Variants in NKAIN2 observed in about 807,000 individuals in gnomAD.
The protein encoded by NKAIN2 is sodium/potassium transporting ATPase interacting 2, also known as sodium/potassium-transporting ATPase subunit beta-1-interacting protein 2.
Under a neutral mutation model 32.6 loss-of-function variants are expected in NKAIN2, and 14 were observed. The ratio of observed to expected loss-of-function variants is 0.43; its 90% CI spans 0.28 to 0.67. The LOEUF (loss-of-function observed/expected upper bound fraction) is 0.67, where lower values mean the gene tolerates loss of function less well. Ranked by LOEUF, NKAIN2 falls within the 30% of genes least tolerant of loss-of-function variation. The pLI is 0.17. For missense variants in NKAIN2, 198 were observed against 258.3 expected, an observed-to-expected ratio of 0.77 and a Z score of 1.60; for synonymous variants, 80 against 87.2, an observed-to-expected ratio of 0.92 and a Z score of 0.46.
intron 1 of NKAIN2, among the ~76,000 whole-genome samples, chr6:123,930,666 G>C (rs1426818845): frequency 6.6e-6 from 1 of 152,160 alleles, no homozygotes; most frequent in Admixed American, 6.5e-5. Context: ...TAGTAGAGGA[G>C]AGAGGAATCT....
intron 4 of NKAIN2, among the ~76,000 whole-genome samples, chr6:124,686,085 G>A (rs191126734): frequency 3.8e-4 from 58 of 152,210 alleles, no homozygotes; most frequent in South Asian, 3.1e-3. Context: ...GGGGGCTTTG[G>A]TTTCTGGTTG....
intron 1 of NKAIN2, among the ~76,000 whole-genome samples, chr6:124,052,358 G>A (rs1782449611): frequency 6.6e-6 from 1 of 152,026 alleles, no homozygotes; most frequent in South Asian, 2.1e-4. Context: ...GTAGTAATGT[G>A]GGTGTGTGGA....
At position 124,825,383 on chromosome 6, in the gene NKAIN2, T is replaced by A. The variant is rs1472963807; in HGVS notation, c.*2154T>A. 6.6e-6 allele frequency: 1 copy of A among 152,628 alleles called. No homozygotes were observed. The highest frequency in any genetic ancestry group is 2.4e-5 in the African/African-American group (1 of 41,452). The allele number at this position is 152,628 out of a possible 1,614,324, so 9.5% of individuals were successfully genotyped here. On this transcript the variant is annotated 3_prime_UTR_variant, in exon 7 of 7. Transcript: ENST00000368417. ...ATCAGTGGACAGGTCATTTATGGGA[T>A]CAGTAAGCACAGTAGTGTGATTATA...
At chr6:124,047,793 A>G (rs1036826093) in intron 1 of NKAIN2, among the ~76,000 whole-genome samples, 11 of 152,004 alleles carry the variant, frequency 7.2e-5, no homozygotes, top group African/African-American at 2.7e-4. Context: ...CCTTTCATCA[A>G]TCCATCTCTT....
chr6:124,202,350 C>G (rs1047004307), intron 1 of NKAIN2, among the ~76,000 whole-genome samples: 1 of 151,908 alleles, frequency 6.6e-6, no homozygotes, highest in Non-Finnish European at 1.5e-5. Context: ...CAATTGGCTT[C>G]GATTCCTTAG....
intron 1 of NKAIN2, among the ~76,000 whole-genome samples, chr6:123,898,844 G>A (rs1203186122): frequency 2.0e-5 from 3 of 152,278 alleles, no homozygotes; most frequent in African/African-American, 7.2e-5. Context: ...CTGGAAGGGC[G>A]AGATTCTCCC....
At chr6:124,531,985 A>G (rs1415050510) in intron 3 of NKAIN2, among the ~76,000 whole-genome samples, 2 of 152,158 alleles carry the variant, frequency 1.3e-5, no homozygotes, top group Admixed American at 1.3e-4. Flanking sequence ...AGTCACTTTT[A>G]AAGTCTCTGG....
chr6:124,278,283 TAAAGCTTAGTTTAACA>T (rs772694159), intron 1 of NKAIN2, among the ~76,000 whole-genome samples: 52 of 152,168 alleles, frequency 3.4e-4, no homozygotes, highest in South Asian at 6.2e-4. Context: ...TATGAAGAGG[TAAAGCTTAGTTTAACA>T]AAGTATGAAC....
At chr6:124,311,229 G>A (rs1796697966) in intron 2 of NKAIN2, among the ~76,000 whole-genome samples, 1 of 152,128 alleles carries the variant, frequency 6.6e-6, no homozygotes, top group Admixed American at 6.6e-5. Context: ...TTCAGAGCAA[G>A]TCTGCAGAGT....
intron 1 of NKAIN2, among the ~76,000 whole-genome samples, chr6:124,201,748 A>C (rs889776533): frequency 1.3e-5 from 2 of 152,034 alleles, no homozygotes; most frequent in African/African-American, 4.8e-5. Flanking sequence ...AGATGGTAGA[A>C]AATGAAAGAA....
intron 1 of NKAIN2, among the ~76,000 whole-genome samples, chr6:123,872,618 G>A (rs1461416758): frequency 6.6e-6 from 1 of 152,214 alleles, no homozygotes; most frequent in Non-Finnish European, 1.5e-5. Flanking sequence ...ATAAAAATTA[G>A]CTAATAAGAA....
chr6:124,728,719 G>A lies in NKAIN2; in HGVS notation c.475-62620G>A, dbSNP rs535883090. 6.8e-3 allele frequency among the ~76,000 whole-genome samples: 1,016 copies of A among 149,286 alleles called. 10 individuals carry two copies. The highest frequency in any genetic ancestry group is 7.8e-3 in the Non-Finnish European group (525 of 67,318). On this transcript the variant is annotated intron_variant, in intron 4 of 6. Transcript: ENST00000368417. The stretch of plus-strand genomic sequence containing the variant: ...AAATAACTAAAATCAGAGCAGAACT[G>A]AAGGAAATAGAGACACAAAAAACCC...
At chr6:124,818,328 G>GGC in intron 5 of NKAIN2, 59 bp from the exon 6 acceptor site, 2 of 833,568 alleles carry the variant, frequency 2.4e-6, no homozygotes, top group South Asian at 1.5e-5. Context: ...CTGTGTGGGT[G>GGC]CTTGATCATG....
intron 1 of NKAIN2, among the ~76,000 whole-genome samples, chr6:124,245,561 G>C (rs1793353645): frequency 6.6e-6 from 1 of 152,056 alleles, no homozygotes; most frequent in Non-Finnish European, 1.5e-5. Context: ...GCCCCCAGAT[G>C]CAGATTAACC....
intron 3 of NKAIN2, among the ~76,000 whole-genome samples, chr6:124,445,730 A>C (rs1439184976): frequency 6.6e-6 from 1 of 151,706 alleles, no homozygotes; most frequent in Non-Finnish European, 1.5e-5. Context: ...TTGGGACATT[A>C]AAAGGGAAAA....
At chr6:124,769,170 G>A (rs1389584802) in intron 4 of NKAIN2, among the ~76,000 whole-genome samples, 1 of 152,100 alleles carries the variant, frequency 6.6e-6, no homozygotes, top group Non-Finnish European at 1.5e-5. Context: ...TAGATCTACA[G>A]CATAAAGAAA....
chr6:124,318,782 T>A (rs960546754), intron 2 of NKAIN2, among the ~76,000 whole-genome samples: 6 of 151,982 alleles, frequency 3.9e-5, no homozygotes, highest in African/African-American at 9.7e-5. Flanking sequence ...CATAGTTTAG[T>A]TCTCTTTGAT....
At chr6:124,441,543 G>T (rs1337614474) in intron 3 of NKAIN2, among the ~76,000 whole-genome samples, 3 of 152,032 alleles carry the variant, frequency 2.0e-5, no homozygotes, top group Non-Finnish European at 2.9e-5. Flanking sequence ...CCACCACTAT[G>T]CTCTGAAAAG....
At chr6:124,370,658 G>A in intron 3 of NKAIN2, among the ~76,000 whole-genome samples, 1 of 152,040 alleles carries the variant, frequency 6.6e-6, no homozygotes, top group East Asian at 1.9e-4. Flanking sequence ...GGGATACTCT[G>A]TTTCTTTTCC....
Sources: allele counts gnomAD v4.1 joint callset (sites outside exome capture counted in the v4.1 genomes callset), GRCh38; gene constraint gnomAD v4.1.1; transcripts MANE v1.5; gene names NCBI Gene and HGNC (gene_info 2026-07-23, HGNC 2026-07-21).